Variants in PAPPA2 observed in about 807,000 individuals in gnomAD.
The protein encoded by PAPPA2 is pappalysin-2.
A neutral mutation model predicts 176.4 loss-of-function variants in PAPPA2; 86 were observed. That is an observed-to-expected ratio of 0.49 (90% CI 0.41 to 0.58). PAPPA2 has a LOEUF of 0.58. Among genes scored for constraint, PAPPA2 ranks in the 20% least tolerant of loss-of-function variants. PAPPA2 has a pLI of 0.00. For synonymous variants in PAPPA2, 809 were observed against 852.2 expected, an observed-to-expected ratio of 0.95 and a Z score of 0.88; for missense variants, 2,073 against 2,256.9, an observed-to-expected ratio of 0.92 and a Z score of 1.65.
At chr1:176,796,610 CTTTTCT>C (rs1299037486) in intron 20 of PAPPA2, among the ~76,000 whole-genome samples, 141 of 20,138 alleles carry the variant, frequency 7.0e-3, no homozygotes, top group African/African-American at 0.032. Flanking sequence ...CTTTTCTTTT[CTTTTCT>C]TTTCTTTCTT....
At chr1:176,754,529 AC>A (rs1663328615) in intron 14 of PAPPA2, among the ~76,000 whole-genome samples, 1 of 152,104 alleles carries the variant, frequency 6.6e-6, no homozygotes, top group African/African-American at 2.4e-5. Flanking sequence ...TGAAATTTAT[AC>A]CAGAAGTATT....
At chr1:176,702,858 C>G in intron 9 of PAPPA2, 123 bp downstream of exon 9, 1 of 1,326,736 alleles carries the variant, frequency 7.5e-7, no homozygotes, top group Non-Finnish European at 1.0e-6. Flanking sequence ...AGGAGTTTGA[C>G]TTGTTTTGGA....
At chr1:176,700,164 C>G (rs1466625116) in intron 8 of PAPPA2, among the ~76,000 whole-genome samples, 1 of 152,130 alleles carries the variant, frequency 6.6e-6, no homozygotes, top group African/African-American at 2.4e-5. Context: ...TCTGTCTTTT[C>G]TTCCTACATT....
chr1:176,791,173 A>ATTTTTTTT (rs57185368), intron 18 of PAPPA2, among the ~76,000 whole-genome samples, 174 bp from the exon 19 acceptor site: 16 of 80,878 alleles, frequency 2.0e-4, no homozygotes, highest in African/African-American at 8.4e-4. Flanking sequence ...AAAGCAAAGA[A>ATTTTTTTT]TTTTTTTTTT....
chr1:176,743,969 ACTACT>A (rs1207046360), intron 14 of PAPPA2, among the ~76,000 whole-genome samples: 2 of 152,180 alleles, frequency 1.3e-5, no homozygotes, highest in East Asian at 1.9e-4. Flanking sequence ...GAAACTTTTG[ACTACT>A]CTACTCATCT....
rs6664154 is a variant in PAPPA2, at chr1:176,701,969, G to A, written c.3237-638G>A. 5.1e-3 allele frequency among the ~76,000 whole-genome samples: 781 copies of A among 152,156 alleles called. 13 individuals are homozygous for A. Among genetic ancestry groups the A allele is most frequent in the African/African-American group, 0.017 (709 of 41,490 alleles). On this transcript the variant is annotated intron_variant, in intron 8 of 22. Coordinates refer to ENST00000367662, the MANE Select transcript of PAPPA2 (RefSeq NM_020318.3). Reference sequence around the variant, plus strand: ...CTGACAAGCTCCTTTCATCTCTAGGGTCAACTGATACAACTCCATTCCTGA... The same window carrying A: ...CTGACAAGCTCCTTTCATCTCTAGGATCAACTGATACAACTCCATTCCTGA...
At chr1:176,560,114 C>T (rs1200054504) in intron 2 of PAPPA2, among the ~76,000 whole-genome samples, 2 of 152,140 alleles carry the variant, frequency 1.3e-5, no homozygotes, top group African/African-American at 2.4e-5. Context: ...ATTTAATTGT[C>T]CTCTCCCAGA....
chr1:176,775,001 C>A (rs536644187), intron 17 of PAPPA2, among the ~76,000 whole-genome samples: 3 of 152,224 alleles, frequency 2.0e-5, no homozygotes, highest in Non-Finnish European at 4.4e-5. Context: ...GTGACAGTGA[C>A]CTTTTGCTTG....
chr1:176,561,284 C>T (rs892988601), intron 2 of PAPPA2, among the ~76,000 whole-genome samples: 1 of 152,132 alleles, frequency 6.6e-6, no homozygotes, highest in South Asian at 2.1e-4. Flanking sequence ...CTTGCAGAGT[C>T]GTTATGATGC....
At chr1:176,527,897 A>G (rs890383478) in intron 1 of PAPPA2, among the ~76,000 whole-genome samples, 8 of 152,184 alleles carry the variant, frequency 5.3e-5, no homozygotes, top group Non-Finnish European at 1.0e-4. Context: ...AGAGCTTCTG[A>G]TGGAGTAGAT....
At chr1:176,610,594 T>TG (rs1382191185) in intron 3 of PAPPA2, among the ~76,000 whole-genome samples, 2 of 152,090 alleles carry the variant, frequency 1.3e-5, no homozygotes, top group Non-Finnish European at 2.9e-5. Flanking sequence ...GACACAGTCC[T>TG]GGTCAGTTTT....
chr1:176,649,178 A>G (rs1219204515), intron 3 of PAPPA2, among the ~76,000 whole-genome samples: 2 of 151,402 alleles, frequency 1.3e-5, no homozygotes, highest in Admixed American at 6.6e-5. Flanking sequence ...GTATGTGTCC[A>G]GAAATTAACT....
chr1:176,472,266 C>T (rs970251814), intron 1 of PAPPA2, among the ~76,000 whole-genome samples: 3 of 152,084 alleles, frequency 2.0e-5, no homozygotes, highest in Non-Finnish European at 4.4e-5. Context: ...TAATTTTTAT[C>T]TAATTATTAT....
chr1:176,766,011 A>G (rs1663947835), intron 15 of PAPPA2, among the ~76,000 whole-genome samples, 174 bp downstream of exon 15: 1 of 152,214 alleles, frequency 6.6e-6, no homozygotes, highest in Admixed American at 6.5e-5. Context: ...CAAGGTATAT[A>G]AAAGCATGTA....
At chr1:176,607,057 T>G (rs1654656977) in intron 3 of PAPPA2, among the ~76,000 whole-genome samples, 1 of 152,056 alleles carries the variant, frequency 6.6e-6, no homozygotes, top group South Asian at 2.1e-4. Flanking sequence ...TATTTTTATT[T>G]TTATTATTTT....
chr1:176,598,524 C>G (rs949693773), intron 3 of PAPPA2, among the ~76,000 whole-genome samples: 2 of 152,060 alleles, frequency 1.3e-5, no homozygotes, highest in Admixed American at 1.3e-4. Context: ...ATATTTCTTT[C>G]CTTGCACAGC....
At chr1:176,496,714 C>T (rs868413788) in intron 1 of PAPPA2, among the ~76,000 whole-genome samples, 5 of 151,972 alleles carry the variant, frequency 3.3e-5, no homozygotes, top group Admixed American at 1.3e-4. Flanking sequence ...AGGAAGAGGT[C>T]GAATTTGACT....
At chr1:176,794,874 G>A (rs747165509) in intron 20 of PAPPA2, among the ~76,000 whole-genome samples, 6 of 152,156 alleles carry the variant, frequency 3.9e-5, no homozygotes, top group African/African-American at 1.2e-4. Flanking sequence ...CACCTGTTAC[G>A]CATGGGGATC....
chr1:176,483,813 A>G (rs1652520850), intron 1 of PAPPA2, among the ~76,000 whole-genome samples: 1 of 152,082 alleles, frequency 6.6e-6, no homozygotes, highest in Non-Finnish European at 1.5e-5. Context: ...GAAAGGGAAG[A>G]TTGCCAGTGG....
Sources: allele counts gnomAD v4.1 joint callset (sites outside exome capture counted in the v4.1 genomes callset), GRCh38; gene constraint gnomAD v4.1.1; transcripts MANE v1.5; gene names NCBI Gene and HGNC (gene_info 2026-07-23, HGNC 2026-07-21).